Variants in LMO7 observed in about 807,000 individuals in gnomAD.
LMO7 encodes the protein LIM domain only protein 7.
Under a neutral mutation model 206.5 loss-of-function variants are expected in LMO7, and 120 were observed. The observed-to-expected ratio is 0.58, with a 90% CI of 0.50 to 0.68. LMO7 has a LOEUF of 0.68. Among genes scored for constraint, LMO7 ranks in the 30% least tolerant of loss-of-function variants. LMO7 has a pLI of 0.00. For synonymous variants in LMO7, 706 were observed against 681.5 expected (o/e 1.04, Z -0.56); for missense variants, 1,959 against 1,957.9 (o/e 1.00, Z -0.01).
intron 3 of LMO7, among the ~76,000 whole-genome samples, chr13:75,743,608 C>A (rs184839738): frequency 9.9e-5 from 15 of 152,102 alleles, no homozygotes; most frequent in African/African-American, 3.6e-4. Context: ...AAAAGAAAAC[C>A]AAATACCATA....
chr13:75,630,958 C>A (rs1332919601), intron 2 of LMO7, among the ~76,000 whole-genome samples: 1 of 151,772 alleles, frequency 6.6e-6, no homozygotes, highest in East Asian at 1.9e-4. Context: ...GCCTGGCCTG[C>A]CTTTTTTCAC....
intron 1 of LMO7, among the ~76,000 whole-genome samples, chr13:75,642,644 A>G (rs1352903171): frequency 6.6e-6 from 1 of 151,964 alleles, no homozygotes; most frequent in African/African-American, 2.4e-5. Context: ...GTATTCTTGA[A>G]CCAGTTAGAG....
At position 75,821,161 on chromosome 13, in the gene LMO7, A is replaced by G. The variant is rs375565146; in HGVS notation, c.2208-16A>G. 1.9e-6 allele frequency: 3 copies of G among 1,572,648 alleles called. No homozygotes were observed. Among genetic ancestry groups the G allele is most frequent in the Non-Finnish European group, 2.6e-6 (3 of 1,162,370 alleles). On this transcript the variant is annotated splice_polypyrimidine_tract_variant and intron_variant, in intron 13 of 30. Transcript: ENST00000377534. ...ATGTGTGTCTTTGTGGTGATGGTGC[A>G]TTTCTCTCCGCTAAGGGAATCCCAA...
intron 2 of LMO7, among the ~76,000 whole-genome samples, chr13:75,726,142 A>C (rs2044452489): frequency 6.6e-6 from 1 of 152,024 alleles, no homozygotes; most frequent in African/African-American, 2.4e-5. Flanking sequence ...AATTAGTTTC[A>C]AGATATTGTT....
At chr13:75,855,493 G>T in intron 29 of LMO7, 125 bp downstream of exon 29, 2 of 522,368 alleles carry the variant, frequency 3.8e-6, no homozygotes, top group South Asian at 3.3e-5. Flanking sequence ...CATCTGTGCT[G>T]CATTTGAGTC....
chr13:75,802,679 C>T (rs2054909509), intron 7 of LMO7, among the ~76,000 whole-genome samples: 1 of 152,090 alleles, frequency 6.6e-6, no homozygotes, highest in African/African-American at 2.4e-5. Context: ...AATGGGGCTG[C>T]AGACCTTGTT....
At chr13:75,737,793 A>AAAC (rs2046026671) in intron 3 of LMO7, among the ~76,000 whole-genome samples, 1 of 128,112 alleles carries the variant, frequency 7.8e-6, no homozygotes, top group African/African-American at 3.0e-5. Flanking sequence ...AAAAAAAAAA[A>AAAC]AAAAAAAACT....
chr13:75,726,333 C>A (rs2044471815), intron 2 of LMO7, among the ~76,000 whole-genome samples: 2 of 151,914 alleles, frequency 1.3e-5, no homozygotes, highest in African/African-American at 4.8e-5. Context: ...AGCTGAGTTT[C>A]TTTTTTATAG....
chr13:75,630,910 C>T (rs1009968645), intron 2 of LMO7, among the ~76,000 whole-genome samples: 1 of 152,172 alleles, frequency 6.6e-6, no homozygotes, highest in Non-Finnish European at 1.5e-5. Context: ...CCTGCCTTGG[C>T]CTCCCAAAGT....
At chr13:75,681,732 A>ATG (rs1566304894) in intron 1 of LMO7, among the ~76,000 whole-genome samples, 3 of 135,282 alleles carry the variant, frequency 2.2e-5, no homozygotes, top group East Asian at 4.4e-4. Flanking sequence ...ATATATATAT[A>ATG]TATATATATA....
chr13:75,640,247 C>T (rs1024576109), intron 1 of LMO7, among the ~76,000 whole-genome samples: 2 of 6,862 alleles, frequency 2.9e-4, no homozygotes, highest in African/African-American at 6.0e-4. Flanking sequence ...TGTGAGCCAC[C>T]GCACCTGGCC....
At chr13:75,792,334 T>C (rs183763587) in intron 4 of LMO7, among the ~76,000 whole-genome samples, 1 of 152,274 alleles carries the variant, frequency 6.6e-6, no homozygotes, top group Admixed American at 6.5e-5. Context: ...CAGAGGGCAT[T>C]ATCCCTACTT....
At chr13:75,794,734 C>T (rs2053740050) in intron 4 of LMO7, among the ~76,000 whole-genome samples, 1 of 152,116 alleles carries the variant, frequency 6.6e-6, no homozygotes, top group African/African-American at 2.4e-5. Context: ...ACTGTGGTGC[C>T]ATCTGCCTCT....
chr13:75,717,294 C>T (rs1443010234), intron 2 of LMO7, among the ~76,000 whole-genome samples: 4 of 144,848 alleles, frequency 2.8e-5, no homozygotes, highest in East Asian at 2.2e-4. Flanking sequence ...ACCTGGGAGG[C>T]GGAGCTTGCA....
Position 75,858,223 on chromosome 13 carries a change from A to G in LMO7, c.*280A>G, listed in dbSNP as rs2061117089. On this transcript the variant is annotated 3_prime_UTR_variant, in exon 31 of 31. Transcript: ENST00000377534. ...AGGGAAAAAATAAGAACCTACGAAT[A>G]TTTTTGAGGCAGATAATGATCTAGT... is the stretch of plus-strand genomic sequence containing the variant. The G allele has an allele frequency of 2.9e-6, 1 of 345,058 alleles. No homozygotes were observed. The highest frequency in any genetic ancestry group is 5.2e-6 in the Non-Finnish European group (1 of 191,914). The allele number at this position is 345,058 out of a possible 1,614,324, so 21.4% of individuals were successfully genotyped here.
intron 13 of LMO7, among the ~76,000 whole-genome samples, chr13:75,820,747 C>A (rs2057485680): frequency 6.6e-6 from 1 of 152,168 alleles, no homozygotes; most frequent in Admixed American, 6.5e-5. Flanking sequence ...GTAATCCCAG[C>A]ACTTTGGGAG....
At chr13:75,856,355 A>G (rs1290455986) in intron 29 of LMO7, 151 bp from the exon 30 acceptor site, 4 of 579,174 alleles carry the variant, frequency 6.9e-6, no homozygotes, top group Non-Finnish European at 1.2e-5. Flanking sequence ...ATTTGAATCT[A>G]CTAATCATCT....
At chr13:75,750,068 A>C (rs569860750) in intron 3 of LMO7, among the ~76,000 whole-genome samples, 2 of 152,170 alleles carry the variant, frequency 1.3e-5, no homozygotes, top group African/African-American at 4.8e-5. Flanking sequence ...TAAAAAAAAA[A>C]CCAGTGCTGG....
At chr13:75,756,397 C>T (rs1186317110) in intron 3 of LMO7, among the ~76,000 whole-genome samples, 1 of 152,112 alleles carries the variant, frequency 6.6e-6, no homozygotes, top group Non-Finnish European at 1.5e-5. Flanking sequence ...CTCTCAATTG[C>T]TATGGGTAGG....
Sources: gnomAD v4.1 joint callset for allele counts (sites outside exome capture counted in the v4.1 genomes callset) on GRCh38, gnomAD v4.1.1 for gene constraint, MANE v1.5 for transcripts, NCBI Gene and HGNC (gene_info 2026-07-23, HGNC 2026-07-21) for gene names.